Variants in PGAP1 observed in about 807,000 individuals in gnomAD.
The protein encoded by PGAP1 is post-GPI attachment to proteins inositol deacylase 1, also known as GPI inositol-deacylase.
Under a neutral mutation model 127.0 loss-of-function variants are expected in PGAP1, and 76 were observed. The observed-to-expected ratio is 0.60, with a 90% CI of 0.50 to 0.72. The LOEUF (loss-of-function observed/expected upper bound fraction) is 0.72, where lower values mean the gene tolerates loss of function less well. Ranked by LOEUF, PGAP1 falls within the 30% of genes least tolerant of loss-of-function variation. PGAP1 has a pLI of 0.00. For synonymous variants in PGAP1, 362 were observed against 366.5 expected, an observed-to-expected ratio of 0.99 and a Z score of 0.14; for missense variants, 982 against 1,071.3, an observed-to-expected ratio of 0.92 and a Z score of 1.16.
intron 25 of PGAP1, among the ~76,000 whole-genome samples, 180 bp downstream of exon 25, chr2:196,843,708 A>G (rs899967132): frequency 6.6e-6 from 1 of 152,116 alleles, no homozygotes; most frequent in Non-Finnish European, 1.5e-5. Flanking sequence ...CACCTGGGCA[A>G]CAAAGCGGGA....
At chr2:196,918,976 G>A (rs1703098389) in intron 2 of PGAP1, among the ~76,000 whole-genome samples, 2 of 152,212 alleles carry the variant, frequency 1.3e-5, no homozygotes, top group Non-Finnish European at 2.9e-5. Context: ...ATGGCCCGTG[G>A]TTACTTTTCC....
At chr2:196,889,070 G>A (rs1702014295) in intron 10 of PGAP1, among the ~76,000 whole-genome samples, 1 of 151,954 alleles carries the variant, frequency 6.6e-6, no homozygotes. Context: ...ATTCACATGA[G>A]TTTATGTTAA....
At chr2:196,873,474 G>C in intron 16 of PGAP1, 54 bp downstream of exon 16, 2 of 1,329,876 alleles carry the variant, frequency 1.5e-6, no homozygotes, top group East Asian at 4.9e-5. Flanking sequence ...AACACCTATT[G>C]AGTCTTCAAA....
intron 1 of PGAP1, among the ~76,000 whole-genome samples, chr2:196,924,526 A>AT: frequency 6.6e-6 from 1 of 152,332 alleles, no homozygotes; most frequent in Non-Finnish European, 1.5e-5. Flanking sequence ...ATGCAAAACA[A>AT]AAAGACTTAA....
In PGAP1 at chr2:196,863,557, G is replaced by A. The variant is rs142407326; in HGVS notation, c.1861+1430C>T. ...GCTAGAGAATAGATGGTTACCAGAG[G>A]GTGGGAAAGGTAAAGAGGAGTGGAG... On this transcript the variant is annotated intron_variant, in intron 20 of 26. Coordinates refer to ENST00000354764, the MANE Select transcript of PGAP1 (RefSeq NM_024989.4). Among the ~76,000 whole-genome samples, 629 of 152,262 alleles carry A rather than the reference G, an allele frequency of 4.1e-3. 4 individuals are homozygous for A. Among genetic ancestry groups the A allele is most frequent in the African/African-American group, 0.014 (585 of 41,546 alleles).
intron 5 of PGAP1, among the ~76,000 whole-genome samples, chr2:196,902,003 A>T (rs1702507809): frequency 6.6e-6 from 1 of 152,092 alleles, no homozygotes; most frequent in Non-Finnish European, 1.5e-5. Context: ...CAAGTTTCTA[A>T]GATCCTTTGT....
At chr2:196,887,656 A>C (rs766146733) in intron 10 of PGAP1, among the ~76,000 whole-genome samples, 1 of 152,228 alleles carries the variant, frequency 6.6e-6, no homozygotes, top group African/African-American at 2.4e-5. Context: ...ATGATATACT[A>C]AGCCCTCAGG....
intron 21 of PGAP1, chr2:196,847,653 G>A (rs770072123): frequency 3.7e-5 from 8 of 213,748 alleles, no homozygotes; most frequent in African/African-American, 4.6e-5. Context: ...AATGATTTGC[G>A]TTTGAATCTA....
intron 2 of PGAP1, among the ~76,000 whole-genome samples, chr2:196,919,160 T>G (rs1182195897): frequency 3.3e-5 from 5 of 152,220 alleles, no homozygotes; most frequent in Admixed American, 2.0e-4. Flanking sequence ...ATCTTCTACC[T>G]CCTGAGTCTG....
At chr2:196,887,548 A>G (rs1701956341) in intron 10 of PGAP1, among the ~76,000 whole-genome samples, 1 of 152,196 alleles carries the variant, frequency 6.6e-6, no homozygotes, top group African/African-American at 2.4e-5. Flanking sequence ...CTGCTCACAT[A>G]GCTACATAAA....
At chr2:196,876,995 A>G (rs1701588276) in intron 13 of PGAP1, among the ~76,000 whole-genome samples, 1 of 152,078 alleles carries the variant, frequency 6.6e-6, no homozygotes. Flanking sequence ...TTTTTTACAA[A>G]GTACTTTTGG....
chr2:196,916,383 T>A, intron 3 of PGAP1, 35 bp downstream of exon 3: 1 of 1,525,684 alleles, frequency 6.6e-7, no homozygotes, highest in Middle Eastern at 2.3e-4. Flanking sequence ...TGCCGATAGG[T>A]TGCACCACTA....
In PGAP1 at chr2:196,839,315, C is replaced by G. The variant is rs563626321; in HGVS notation, c.*1919G>C. 2.6e-5 allele frequency: 4 copies of G among 152,470 alleles called. No individual in the cohort carries two copies. In the South Asian group the frequency reaches 8.3e-4, roughly 32 times the overall value. 9.4% of individuals were successfully genotyped at this position (152,470 alleles called of 1,614,324 possible). A position where few individuals can be genotyped will look rare whatever the true frequency, so the allele number is the denominator to read the frequency against. ...ATATCAGGTGACAGAATAAAAGACGCAATGTGTATCAAAGTTGTTTATAAG... is the reference window on the plus strand; with the variant it reads ...ATATCAGGTGACAGAATAAAAGACGGAATGTGTATCAAAGTTGTTTATAAG... On this transcript the variant is annotated 3_prime_UTR_variant, in exon 27 of 27. Transcript: ENST00000354764.
At chr2:196,851,346 C>T (rs891691203) in intron 20 of PGAP1, among the ~76,000 whole-genome samples, 2 of 152,114 alleles carry the variant, frequency 1.3e-5, no homozygotes, top group African/African-American at 4.8e-5. Context: ...AGGACATCTG[C>T]CCAGCAACTA....
intron 13 of PGAP1, among the ~76,000 whole-genome samples, chr2:196,879,213 A>T (rs1010213554): frequency 3.3e-5 from 5 of 152,298 alleles, no homozygotes; most frequent in Middle Eastern, 3.4e-3. Context: ...AGCTGGGATT[A>T]CAGGTACTTG....
At chr2:196,881,358 C>T (rs933012048) in intron 12 of PGAP1, among the ~76,000 whole-genome samples, 6 of 152,042 alleles carry the variant, frequency 3.9e-5, no homozygotes, top group East Asian at 1.9e-4. Flanking sequence ...TAATAGAATG[C>T]TTTATATTCC....
Position 196,916,488 on chromosome 2 carries a change from T to C in PGAP1, c.407A>G (p.Tyr136Cys), listed in dbSNP as rs948475148. 4 of 1,613,560 alleles carry C rather than the reference T, an allele frequency of 2.5e-6. No individual in the cohort carries two copies. Among genetic ancestry groups the C allele is most frequent in the Non-Finnish European group, 3.4e-6 (4 of 1,179,810 alleles). ...VNFNEELVAL[Y>C]GGSLQKQTKF... ...GGTCTGCTTCTGAAGACTTCCACCA[T>C]ACAAAGCCACCAGTTCTTCATTGAA... Residue 136 changes from tyrosine to cysteine, a missense_variant, in exon 3 of 27, where the codon TAT becomes TGT. Coordinates refer to ENST00000354764, the MANE Select transcript of PGAP1 (RefSeq NM_024989.4).
chr2:196,864,722 T>TA (rs2125792786), intron 20 of PGAP1, among the ~76,000 whole-genome samples: 1 of 152,284 alleles, frequency 6.6e-6, no homozygotes, highest in South Asian at 2.1e-4. Flanking sequence ...TGGTGGTTGA[T>TA]AGTGGAAACG....
chr2:196,896,543 T>A (rs1476833575), intron 7 of PGAP1, among the ~76,000 whole-genome samples: 1 of 152,066 alleles, frequency 6.6e-6, no homozygotes, highest in East Asian at 1.9e-4. Flanking sequence ...GTATTTCCCC[T>A]ACACTTAAAA....
Sources: allele counts gnomAD v4.1 joint callset (sites outside exome capture counted in the v4.1 genomes callset), GRCh38; gene constraint gnomAD v4.1.1; transcripts MANE v1.5; gene names NCBI Gene and HGNC (gene_info 2026-07-23, HGNC 2026-07-21).